Variants in RIMS1 observed in about 807,000 individuals in gnomAD.
RIMS1 encodes the protein regulating synaptic membrane exocytosis protein 1.
RIMS1 carries 83 observed loss-of-function variants against 214.1 expected under a neutral mutation model. The observed-to-expected ratio is 0.39, with a 90% CI of 0.32 to 0.47. The LOEUF (loss-of-function observed/expected upper bound fraction) is 0.47, where lower values mean the gene tolerates loss of function less well. Ranked by LOEUF, RIMS1 falls within the 20% of genes least tolerant of loss-of-function variation. RIMS1 has a pLI of 0.99. For missense variants in RIMS1, 2,050 were observed against 2,161.8 expected (o/e 0.95, Z 1.03); for synonymous variants, 793 against 786.8 (o/e 1.01, Z -0.13).
At chr6:71,928,278 C>T (rs1297547757) in intron 1 of RIMS1, among the ~76,000 whole-genome samples, 3 of 152,014 alleles carry the variant, frequency 2.0e-5, no homozygotes, top group Non-Finnish European at 4.4e-5. Flanking sequence ...TAACAGTATA[C>T]CCCGATCATC....
intron 2 of RIMS1, among the ~76,000 whole-genome samples, chr6:72,017,735 A>G (rs1813239031): frequency 6.6e-6 from 1 of 152,238 alleles, no homozygotes; most frequent in Non-Finnish European, 1.5e-5. Flanking sequence ...TTCAAAATAA[A>G]GAGAATAGGG....
intron 2 of RIMS1, among the ~76,000 whole-genome samples, chr6:72,026,746 AT>A (rs778304862): frequency 6.6e-6 from 1 of 152,048 alleles, no homozygotes; most frequent in Non-Finnish European, 1.5e-5. Context: ...ATTAAATAGT[AT>A]TTTGTTTTCA....
At chr6:72,093,575 T>C (rs192699920) in intron 2 of RIMS1, among the ~76,000 whole-genome samples, 14 of 152,114 alleles carry the variant, frequency 9.2e-5, no homozygotes, top group Admixed American at 1.3e-4. Flanking sequence ...TTCATTTAGC[T>C]GGATTTTTAA....
intron 4 of RIMS1, among the ~76,000 whole-genome samples, chr6:72,113,023 A>C (rs1273367855): frequency 6.6e-6 from 1 of 152,050 alleles, no homozygotes; most frequent in Non-Finnish European, 1.5e-5. Context: ...TACCTTGAGA[A>C]TCCCAACAGG....
chr6:72,339,538 G>GT (rs1266772275), intron 29 of RIMS1, among the ~76,000 whole-genome samples: 3 of 151,706 alleles, frequency 2.0e-5, no homozygotes, highest in Admixed American at 6.6e-5. Flanking sequence ...GCAGTGTTTG[G>GT]TTTTTTTGTC....
intron 29 of RIMS1, among the ~76,000 whole-genome samples, chr6:72,383,751 C>T (rs2098537279): frequency 6.6e-6 from 1 of 151,902 alleles, no homozygotes; most frequent in African/African-American, 2.4e-5. Flanking sequence ...GATCACACCA[C>T]TGCACTCCAG....
At chr6:71,911,585 A>G (rs1296090825) in intron 1 of RIMS1, among the ~76,000 whole-genome samples, 1 of 152,094 alleles carries the variant, frequency 6.6e-6, no homozygotes, top group East Asian at 1.9e-4. Context: ...ATAAACATTC[A>G]TTTAAATGAA....
intron 2 of RIMS1, among the ~76,000 whole-genome samples, chr6:72,006,986 C>A (rs1359348730): frequency 6.6e-6 from 1 of 152,174 alleles, no homozygotes. Flanking sequence ...GTCATTCTCC[C>A]AGCACGCAGC....
At chr6:72,168,195 G>C (rs2046534932) in intron 4 of RIMS1, among the ~76,000 whole-genome samples, 1 of 152,096 alleles carries the variant, frequency 6.6e-6, no homozygotes, top group Non-Finnish European at 1.5e-5. Context: ...TGTTAGCAGT[G>C]GCAAATCCTT....
At chr6:71,962,997 A>G (rs1355010273) in intron 1 of RIMS1, among the ~76,000 whole-genome samples, 1 of 152,134 alleles carries the variant, frequency 6.6e-6, no homozygotes. Context: ...CTTTTATGTA[A>G]TATTTCGTGA....
chr6:72,070,526 A>G (rs964473570), intron 2 of RIMS1, among the ~76,000 whole-genome samples: 2 of 152,342 alleles, frequency 1.3e-5, no homozygotes, highest in South Asian at 2.1e-4. Context: ...TCATAAAAAC[A>G]ATAAAGACAT....
intron 4 of RIMS1, among the ~76,000 whole-genome samples, chr6:72,173,793 G>C (rs1182189168): frequency 6.6e-6 from 1 of 152,064 alleles, no homozygotes; most frequent in Non-Finnish European, 1.5e-5. Context: ...AGCGAGGCAT[G>C]AGAATGGATG....
intron 16 of RIMS1, among the ~76,000 whole-genome samples, chr6:72,253,859 G>A (rs1563115281): frequency 6.6e-6 from 1 of 151,700 alleles, no homozygotes; most frequent in East Asian, 1.9e-4. Flanking sequence ...AGAATATATG[G>A]TATTTATTTA....
intron 2 of RIMS1, among the ~76,000 whole-genome samples, chr6:72,009,594 A>T (rs1809483129): frequency 6.6e-6 from 1 of 152,038 alleles, no homozygotes; most frequent in South Asian, 2.1e-4. Flanking sequence ...TAATAAAGAA[A>T]AAAAGAGAGA....
intron 4 of RIMS1, among the ~76,000 whole-genome samples, chr6:72,150,269 G>A (rs988319637): frequency 6.6e-6 from 1 of 152,040 alleles, no homozygotes; most frequent in Non-Finnish European, 1.5e-5. Flanking sequence ...TGGAAAGGTA[G>A]GTATATGTAA....
intron 1 of RIMS1, among the ~76,000 whole-genome samples, chr6:71,954,680 C>T (rs1304292336): frequency 6.6e-6 from 1 of 150,642 alleles, no homozygotes; most frequent in Non-Finnish European, 1.5e-5. Context: ...GTTTTTTAGT[C>T]TATTAGTAAT....
At chr6:71,904,208 A>C (rs141395763) in intron 1 of RIMS1, among the ~76,000 whole-genome samples, 130 of 152,298 alleles carry the variant, frequency 8.5e-4, no homozygotes, top group Non-Finnish European at 1.7e-3. Context: ...TCATGGTTGC[A>C]GAGTAATTTG....
At chr6:71,953,659 CT>C (rs1416599368) in intron 1 of RIMS1, among the ~76,000 whole-genome samples, 1 of 152,020 alleles carries the variant, frequency 6.6e-6, no homozygotes, top group Admixed American at 6.6e-5. Context: ...AGTTTCTTTC[CT>C]AAATATAAAA....
chr6:71,979,798 C>T (rs1025524565), intron 2 of RIMS1, among the ~76,000 whole-genome samples: 2 of 151,914 alleles, frequency 1.3e-5, no homozygotes, highest in Non-Finnish European at 2.9e-5. Flanking sequence ...AGCCAGGAAA[C>T]GTGTATTTGG....
Sources: gnomAD v4.1 joint callset for allele counts (sites outside exome capture counted in the v4.1 genomes callset) on GRCh38, gnomAD v4.1.1 for gene constraint, MANE v1.5 for transcripts, NCBI Gene and HGNC (gene_info 2026-07-23, HGNC 2026-07-21) for gene names.